GPC5: variants seen among roughly 807,000 people sequenced by gnomAD.
The protein encoded by GPC5 is glypican 5.
In GPC5, 47 loss-of-function variants were observed where a neutral mutation model predicts 53.9. That is an observed-to-expected ratio of 0.87 (90% CI 0.69 to 1.11). The LOEUF (loss-of-function observed/expected upper bound fraction) is 1.11, where lower values mean the gene tolerates loss of function less well. GPC5 is among the 50% of genes most tolerant of loss of function. The probability of loss-of-function intolerance (pLI) is 0.00; values close to 1 mark genes in which losing one functional copy is unlikely to be tolerated. For missense variants in GPC5, 748 were observed against 713.1 expected (o/e 1.05, Z -0.56); for synonymous variants, 286 against 263.3 (o/e 1.09, Z -0.84).
chr13:91,584,126 C>G (rs1052075221), intron 2 of GPC5, among the ~76,000 whole-genome samples: 1 of 152,126 alleles, frequency 6.6e-6, no homozygotes, highest in African/African-American at 2.4e-5. Flanking sequence ...TGGCCATCTG[C>G]AAGCGAAAGA....
Position 92,297,263 on chromosome 13 carries a change from C to T in GPC5, c.1561+152274C>T, listed in dbSNP as rs143898207. Among the ~76,000 whole-genome samples, 1,520 of 152,012 alleles carry T rather than the reference C, an allele frequency of 1.0e-2. 26 individuals carry two copies. The highest frequency in any genetic ancestry group is 0.034 in the African/African-American group (1,427 of 41,424). Reference sequence around the variant, plus strand: ...CTGTACCTAGCTGCTCTGGTGAGGACGTGGAGAACCTTTATATCTAGCTCA... The same window carrying T: ...CTGTACCTAGCTGCTCTGGTGAGGATGTGGAGAACCTTTATATCTAGCTCA... On this transcript the variant is annotated intron_variant, in intron 7 of 7. Transcript: ENST00000377067.
chr13:91,620,870 A>G (rs1014073410), intron 2 of GPC5, among the ~76,000 whole-genome samples: 13 of 152,112 alleles, frequency 8.5e-5, no homozygotes, highest in Non-Finnish European at 2.9e-5. Flanking sequence ...TTGCTATATT[A>G]GATCCTAAAG....
intron 1 of GPC5, among the ~76,000 whole-genome samples, chr13:91,414,365 A>G (rs761944286): frequency 2.6e-5 from 4 of 152,238 alleles, no homozygotes; most frequent in Non-Finnish European, 5.9e-5. Context: ...AAGTTTCCTG[A>G]GGCCTCTCCA....
chr13:92,408,969 A>T (rs1205622895), intron 7 of GPC5, among the ~76,000 whole-genome samples: 1 of 152,048 alleles, frequency 6.6e-6, no homozygotes, highest in African/African-American at 2.4e-5. Flanking sequence ...GCTTGTGATA[A>T]AACTGGAAAT....
intron 5 of GPC5, among the ~76,000 whole-genome samples, chr13:91,887,876 A>G (rs1260044599): frequency 6.6e-6 from 1 of 152,154 alleles, no homozygotes; most frequent in Non-Finnish European, 1.5e-5. Context: ...CCAAGTCTCT[A>G]GGAAGTTCCA....
At chr13:91,517,300 C>A (rs1322517960) in intron 2 of GPC5, among the ~76,000 whole-genome samples, 1 of 152,204 alleles carries the variant, frequency 6.6e-6, no homozygotes, top group African/African-American at 2.4e-5. Flanking sequence ...CAGTGCTTTG[C>A]TGCTCAGAAA....
chr13:92,475,008 A>G (rs535166624), intron 7 of GPC5, among the ~76,000 whole-genome samples: 1 of 152,122 alleles, frequency 6.6e-6, no homozygotes, highest in Non-Finnish European at 1.5e-5. Context: ...AATGAGTACA[A>G]TTAGTGCTTC....
rs1405016892 is a variant in GPC5, at chr13:92,586,503, G to A, written c.1562-279779G>A. Among the ~76,000 whole-genome samples the A allele has an allele frequency of 2.6e-5, 4 of 152,214 alleles. No homozygotes were observed. The South Asian group carries it at 6.2e-4, about 24-fold the overall frequency. ...GTTTTTAGCCATGGGTTGTCCTGAT[G>A]AAATTTTGCATTTAAGCAGCCACTT... On this transcript the variant is annotated intron_variant, in intron 7 of 7. Coordinates refer to ENST00000377067, the MANE Select transcript of GPC5 (RefSeq NM_004466.6).
chr13:92,349,039 A>G (rs371988051), intron 7 of GPC5, among the ~76,000 whole-genome samples: 4 of 152,222 alleles, frequency 2.6e-5, no homozygotes, highest in Non-Finnish European at 4.4e-5. Flanking sequence ...AGATAGGGGA[A>G]GGAAGGAAAT....
chr13:92,310,738 A>T (rs1440024195), intron 7 of GPC5, among the ~76,000 whole-genome samples: 1 of 152,192 alleles, frequency 6.6e-6, no homozygotes. Context: ...AGTCCTCCCT[A>T]CTGCCTTTTT....
chr13:92,591,307 A>G (rs970867498), intron 7 of GPC5, among the ~76,000 whole-genome samples: 1 of 152,030 alleles, frequency 6.6e-6, no homozygotes, highest in African/African-American at 2.4e-5. Context: ...GTGTGTCGCT[A>G]TTAGGGAACG....
At chr13:91,951,993 A>G (rs2040029750) in intron 6 of GPC5, among the ~76,000 whole-genome samples, 2 of 152,186 alleles carry the variant, frequency 1.3e-5, no homozygotes, top group South Asian at 4.1e-4. Flanking sequence ...CTTGAAGAAG[A>G]GAGCCTCATT....
chr13:91,621,164 CA>C (rs1474409872), intron 2 of GPC5, among the ~76,000 whole-genome samples: 1 of 151,812 alleles, frequency 6.6e-6, no homozygotes, highest in Non-Finnish European at 1.5e-5. Context: ...AGAATGAAAA[CA>C]AAAAAACATA....
At chr13:91,841,967 T>C (rs2138873254) in intron 5 of GPC5, among the ~76,000 whole-genome samples, 1 of 152,342 alleles carries the variant, frequency 6.6e-6, no homozygotes, top group South Asian at 2.1e-4. Context: ...CCAGGGAAGA[T>C]AAACTATTTT....
intron 6 of GPC5, among the ~76,000 whole-genome samples, chr13:92,026,375 A>T (rs2040800904): frequency 6.6e-6 from 1 of 151,836 alleles, no homozygotes; most frequent in African/African-American, 2.4e-5. Context: ...AGCAAAACAG[A>T]GTTCTCAATA....
chr13:92,024,184 C>A (rs2040782318), intron 6 of GPC5, among the ~76,000 whole-genome samples: 1 of 152,046 alleles, frequency 6.6e-6, no homozygotes. Flanking sequence ...GATTTGGTTG[C>A]ACAGTCCTGT....
At position 92,229,852 on chromosome 13, in the gene GPC5, T is replaced by G. The variant is rs573555002; in HGVS notation, c.1561+84863T>G. Among the ~76,000 whole-genome samples, 88 of 152,210 alleles carry G rather than the reference T, an allele frequency of 5.8e-4. 1 individual carries two copies. The South Asian group carries it at 8.3e-3, about 14-fold the overall frequency. On this transcript the variant is annotated intron_variant, in intron 7 of 7. Coordinates refer to ENST00000377067, the MANE Select transcript of GPC5 (RefSeq NM_004466.6). The stretch of plus-strand genomic sequence containing the variant: ...AACTCTTGTAGTTTCCAAAGGCAAG[T>G]TGGTGTAGGTGCCACTTGACACTTT...
intron 2 of GPC5, among the ~76,000 whole-genome samples, chr13:91,544,292 C>A (rs1319792910): frequency 1.3e-5 from 2 of 151,984 alleles, no homozygotes; most frequent in Non-Finnish European, 2.9e-5. Flanking sequence ...TTAATTTCTT[C>A]TTAGACACAA....
intron 2 of GPC5, among the ~76,000 whole-genome samples, chr13:91,601,098 A>T (rs1448755091): frequency 6.6e-6 from 1 of 152,210 alleles, no homozygotes; most frequent in Non-Finnish European, 1.5e-5. Context: ...TTGTGAGGGC[A>T]TCTTCAAGAT....
Sources: allele counts gnomAD v4.1 joint callset (sites outside exome capture counted in the v4.1 genomes callset), GRCh38; gene constraint gnomAD v4.1.1; transcripts MANE v1.5; gene names NCBI Gene and HGNC (gene_info 2026-07-23, HGNC 2026-07-21).